ARHGEF3: variants seen among roughly 807,000 people sequenced by gnomAD.
The protein encoded by ARHGEF3 is Rho guanine nucleotide exchange factor 3, also known as 59.8 kDA protein.
ARHGEF3 carries 28 observed loss-of-function variants against 63.2 expected under a neutral mutation model. The ratio of observed to expected loss-of-function variants is 0.44; its 90% CI spans 0.33 to 0.61. ARHGEF3 has a LOEUF of 0.61. Ranked by LOEUF, ARHGEF3 falls within the 20% of genes least tolerant of loss-of-function variation. ARHGEF3 has a pLI of 0.03. For missense variants in ARHGEF3, 533 were observed against 659.3 expected (o/e 0.81, Z 2.10); for synonymous variants, 266 against 254.2 (o/e 1.05, Z -0.44).
chr3:56,814,845 T>C (rs1246738028), intron 4 of ARHGEF3, among the ~76,000 whole-genome samples: 1 of 152,126 alleles, frequency 6.6e-6, no homozygotes. Flanking sequence ...TTAGAAGACA[T>C]GGGCCAGGTG....
chr3:56,787,500 G>A (rs1011092866), intron 1 of ARHGEF3, among the ~76,000 whole-genome samples: 3 of 151,988 alleles, frequency 2.0e-5, no homozygotes, highest in African/African-American at 7.3e-5. Context: ...GAGGCACTGA[G>A]AGCCATGGAG....
At chr3:56,802,064 C>CCCCAGGAGGTGTCCGCGCT, upstream of ARHGEF3, 1 of 1,278,224 alleles carries the variant, frequency 7.8e-7, no homozygotes, top group Non-Finnish European at 1.0e-6. Context: ...CGTGCCGCAG[C>CCCCAGGAGGTGTCCGCGCT]GCGGACACCT....
chr3:57,031,030 GTGGTCCTTCCAGC>G lies in ARHGEF3; in HGVS notation c.62+4045_62+4057del, dbSNP rs531621175. ...AAGTGGGGTTGGCCCAGGCTGATCT[GTGGTCCTTCCAGC>G]TGGTCGGCTTTGTCTCAGCACCTCA... On this transcript the variant is annotated intron_variant, in intron 2 of 12. Coordinates refer to the ARHGEF3 transcript ENST00000338458. Among the ~76,000 whole-genome samples, 211 of 152,358 alleles carry G rather than the reference GTGGTCCTTCCAGC, an allele frequency of 1.4e-3. 1 individual carries two copies. Among genetic ancestry groups the G allele is most frequent in the African/African-American group, 4.8e-3 (200 of 41,594 alleles).
chr3:56,761,729 A>C (rs945474520), intron 2 of ARHGEF3, among the ~76,000 whole-genome samples: 6 of 152,198 alleles, frequency 3.9e-5, no homozygotes, highest in African/African-American at 1.2e-4. Context: ...TGAGGCTCAG[A>C]GAAGGTGACA....
chr3:56,763,967 C>T (rs970938595), intron 2 of ARHGEF3, among the ~76,000 whole-genome samples: 4 of 151,992 alleles, frequency 2.6e-5, no homozygotes, highest in Non-Finnish European at 4.4e-5. Flanking sequence ...GGTCAGTTGA[C>T]GAACATGAAA....
intron 3 of ARHGEF3, among the ~76,000 whole-genome samples, chr3:56,931,880 G>A (rs976927686): frequency 1.3e-5 from 2 of 152,004 alleles, no homozygotes; most frequent in African/African-American, 4.8e-5. Context: ...TTTTTTCTTG[G>A]CTGAGTACAC....
intron 3 of ARHGEF3, among the ~76,000 whole-genome samples, chr3:56,929,139 GGGGA>G: frequency 6.6e-6 from 1 of 152,182 alleles, no homozygotes; most frequent in South Asian, 2.1e-4. Context: ...CCTCTGGATT[GGGGA>G]AGAAGGGTCT....
Position 56,967,877 on chromosome 3 carries a change from A to G in ARHGEF3, c.63-8988T>C, listed in dbSNP as rs1578980419. Reference sequence around the variant, plus strand: ...ATATATAATGACATATATAATATATAATATAAATATATAATATATAAATAA... The same window carrying G: ...ATATATAATGACATATATAATATATGATATAAATATATAATATATAAATAA... On this transcript the variant is annotated intron_variant, in intron 2 of 12. Transcript: ENST00000338458. Among the ~76,000 whole-genome samples the G allele has an allele frequency of 2.7e-5, 2 of 75,204 alleles. 1 individual carries two copies. The highest frequency in any genetic ancestry group is 5.2e-4 in the Admixed American group (2 of 3,854). 49.3% of individuals were successfully genotyped at this position (75,204 alleles called of 152,430 possible).
At chr3:56,775,920 C>A (rs2036262754) in intron 1 of ARHGEF3, among the ~76,000 whole-genome samples, 1 of 152,152 alleles carries the variant, frequency 6.6e-6, no homozygotes, top group Non-Finnish European at 1.5e-5. Context: ...AGTGAGGTGA[C>A]AAAGATTCCC....
chr3:56,764,337 A>T (rs1329962855), intron 2 of ARHGEF3, among the ~76,000 whole-genome samples: 1 of 152,188 alleles, frequency 6.6e-6, no homozygotes, highest in Non-Finnish European at 1.5e-5. Context: ...ATGACAAGAT[A>T]TTCCACAAGC....
chr3:56,807,044 C>T (rs368320145), intron 4 of ARHGEF3, among the ~76,000 whole-genome samples: 6 of 151,990 alleles, frequency 3.9e-5, no homozygotes, highest in African/African-American at 1.5e-4. Context: ...CCACCACGCC[C>T]GGCTAATTTT....
intron 3 of ARHGEF3, among the ~76,000 whole-genome samples, chr3:56,939,350 T>C (rs1028177717): frequency 6.6e-6 from 1 of 152,198 alleles, no homozygotes; most frequent in African/African-American, 2.4e-5. Flanking sequence ...TTCAAATACA[T>C]AAGGCTCTTT....
intron 3 of ARHGEF3, among the ~76,000 whole-genome samples, chr3:56,944,868 C>T (rs772183104): frequency 2.6e-5 from 4 of 151,932 alleles, no homozygotes; most frequent in Admixed American, 6.6e-5. Flanking sequence ...TGTGAGCCAC[C>T]GCACTCAGCC....
Position 56,881,030 on chromosome 3 carries a change from A to T in ARHGEF3, c.192+1262T>A, listed in dbSNP as rs1309961340. Among the ~76,000 whole-genome samples the T allele has an allele frequency of 1.1e-3, 9 of 8,020 alleles. No homozygotes were observed. The Admixed American group carries it at 0.018, about 16-fold the overall frequency. 5.3% of individuals were successfully genotyped at this position (8,020 alleles called of 152,430 possible). A position where few individuals can be genotyped will look rare whatever the true frequency, so the allele number is the denominator to read the frequency against. ...ACAGAAAACTCTGCAGTAATTAAAAATAGCTAAAAAAAATTGTTCACATTG... is the reference window on the plus strand; with the variant it reads ...ACAGAAAACTCTGCAGTAATTAAAATTAGCTAAAAAAAATTGTTCACATTG... On this transcript the variant is annotated intron_variant, in intron 4 of 12. Transcript: ENST00000338458.
At chr3:56,757,669 T>G (rs2035157024) in intron 2 of ARHGEF3, among the ~76,000 whole-genome samples, 1 of 151,970 alleles carries the variant, frequency 6.6e-6, no homozygotes, top group Non-Finnish European at 1.5e-5. Flanking sequence ...AAAATTCTAT[T>G]GTTGTTTCAT....
chr3:56,796,750 G>A (rs996495219), intron 1 of ARHGEF3, among the ~76,000 whole-genome samples: 2 of 152,168 alleles, frequency 1.3e-5, no homozygotes, highest in African/African-American at 2.4e-5. Flanking sequence ...AGACTTCAGG[G>A]TCAACTGGGA....
At chr3:56,787,207 C>A (rs1034385404) in intron 1 of ARHGEF3, among the ~76,000 whole-genome samples, 1 of 152,160 alleles carries the variant, frequency 6.6e-6, no homozygotes, top group Non-Finnish European at 1.5e-5. Context: ...GAAGGTTCTT[C>A]TTTTACATGC....
chr3:56,834,670 C>T (rs923241255), intron 4 of ARHGEF3, among the ~76,000 whole-genome samples: 14 of 150,034 alleles, frequency 9.3e-5, no homozygotes, highest in African/African-American at 3.4e-4. Flanking sequence ...AGGAGAGCTG[C>T]TTGAACCCGG....
intron 6 of ARHGEF3, among the ~76,000 whole-genome samples, chr3:56,746,709 AAC>A (rs1318520330): frequency 2.0e-5 from 3 of 152,038 alleles, no homozygotes; most frequent in Non-Finnish European, 4.4e-5. Context: ...CAGCCTTGGC[AAC>A]AGAGTGAGAC....
Sources: allele counts gnomAD v4.1 joint callset (sites outside exome capture counted in the v4.1 genomes callset), GRCh38; gene constraint gnomAD v4.1.1; transcripts MANE v1.5; gene names NCBI Gene and HGNC (gene_info 2026-07-23, HGNC 2026-07-21).